ITGBL1: variants seen among roughly 807,000 people sequenced by gnomAD.
ITGBL1 encodes the protein integrin beta-like protein 1.
ITGBL1 carries 51 observed loss-of-function variants against 68.5 expected under a neutral mutation model. The observed-to-expected ratio is 0.74, with a 90% CI of 0.59 to 0.94. The LOEUF is 0.94. Among genes scored for constraint, ITGBL1 ranks in the 40% least tolerant of loss-of-function variants. The pLI, the probability that ITGBL1 is intolerant of heterozygous loss-of-function variation, is 0.00. For synonymous variants in ITGBL1, 209 were observed against 227.3 expected (o/e 0.92, Z 0.72); for missense variants, 649 against 647.4 (o/e 1.00, Z -0.03).
rs559899231 is a variant in ITGBL1, at chr13:101,644,315, G to C, written c.1015+46016G>C. Among the ~76,000 whole-genome samples, 66 of 152,278 alleles carry C rather than the reference G, an allele frequency of 4.3e-4. 1 individual carries two copies. The highest frequency in any genetic ancestry group is 1.6e-3 in the African/African-American group (65 of 41,550). On this transcript the variant is annotated intron_variant, in intron 7 of 10. Coordinates refer to ENST00000376180, the MANE Select transcript of ITGBL1 (RefSeq NM_004791.3). ...GTATAAAGTAGAGGGAGATGGTCAG[G>C]CTCAATTTTATCCTTTTCATTGCAT...
chr13:101,476,795 A>G (rs1476023325), intron 2 of ITGBL1, among the ~76,000 whole-genome samples: 2 of 152,300 alleles, frequency 1.3e-5, no homozygotes, highest in East Asian at 3.9e-4. Flanking sequence ...GCAAGAAGTT[A>G]TAGCAAGTGT....
chr13:101,584,868 T>C (rs1245853879), intron 6 of ITGBL1, among the ~76,000 whole-genome samples: 3 of 151,676 alleles, frequency 2.0e-5, no homozygotes, highest in East Asian at 1.9e-4. Flanking sequence ...GTGGTGGTGA[T>C]GTAGGGCTCA....
intron 2 of ITGBL1, among the ~76,000 whole-genome samples, chr13:101,485,757 A>T (rs1566696631): frequency 6.6e-6 from 1 of 152,096 alleles, no homozygotes; most frequent in African/African-American, 2.4e-5. Context: ...ACGCCACTGT[A>T]CTCCAGCCTG....
chr13:101,606,095 A>G (rs1415052266), intron 7 of ITGBL1, among the ~76,000 whole-genome samples: 2 of 134,312 alleles, frequency 1.5e-5, no homozygotes, highest in African/African-American at 5.4e-5. Flanking sequence ...ATATATATAT[A>G]TATGCTCTCT....
intron 7 of ITGBL1, among the ~76,000 whole-genome samples, chr13:101,681,943 AAT>A (rs1181513259): frequency 6.6e-6 from 1 of 152,152 alleles, no homozygotes; most frequent in Non-Finnish European, 1.5e-5. Flanking sequence ...TTGAAAAACA[AAT>A]GTCAAACTTC....
intron 7 of ITGBL1, among the ~76,000 whole-genome samples, chr13:101,638,777 G>A (rs2032261700): frequency 6.6e-6 from 1 of 152,166 alleles, no homozygotes; most frequent in South Asian, 2.1e-4. Flanking sequence ...TACAATTCAA[G>A]ATGAGATTTG....
chr13:101,591,699 T>C (rs1355000726), intron 6 of ITGBL1, among the ~76,000 whole-genome samples: 2 of 152,222 alleles, frequency 1.3e-5, no homozygotes, highest in African/African-American at 2.4e-5. Flanking sequence ...TTGGATGATA[T>C]ACATTAATAT....
intron 7 of ITGBL1, among the ~76,000 whole-genome samples, chr13:101,615,022 C>G (rs1254140683): frequency 6.6e-6 from 1 of 152,096 alleles, no homozygotes; most frequent in Admixed American, 6.6e-5. Context: ...AAATTTATTC[C>G]CACAGCTCTG....
chr13:101,648,586 A>G (rs902365873), intron 7 of ITGBL1, among the ~76,000 whole-genome samples: 1 of 152,194 alleles, frequency 6.6e-6, no homozygotes, highest in East Asian at 1.9e-4. Flanking sequence ...TTATAAAAAG[A>G]CATAACAAAT....
At chr13:101,506,199 C>G (rs1255137177) in intron 2 of ITGBL1, among the ~76,000 whole-genome samples, 1 of 152,156 alleles carries the variant, frequency 6.6e-6, no homozygotes, top group African/African-American at 2.4e-5. Flanking sequence ...TAAGACATTC[C>G]TGATGTGTTG....
chr13:101,457,176 C>T (rs947017062), intron 2 of ITGBL1, among the ~76,000 whole-genome samples: 1 of 152,092 alleles, frequency 6.6e-6, no homozygotes, highest in Non-Finnish European at 1.5e-5. Flanking sequence ...TACAATGATG[C>T]ATAACAAGTG....
At chr13:101,510,623 C>A (rs370631736) in intron 2 of ITGBL1, among the ~76,000 whole-genome samples, 1 of 151,952 alleles carries the variant, frequency 6.6e-6, no homozygotes, top group Non-Finnish European at 1.5e-5. Context: ...GAACAGTGTA[C>A]GAGTTCTCTT....
intron 2 of ITGBL1, among the ~76,000 whole-genome samples, chr13:101,522,278 A>C (rs1302316176): frequency 6.6e-6 from 1 of 152,168 alleles, no homozygotes; most frequent in Non-Finnish European, 1.5e-5. Flanking sequence ...TGTAGCATTA[A>C]AAAATGTCTA....
At chr13:101,714,579 C>T in intron 10 of ITGBL1, 28 bp downstream of exon 10, 1 of 1,313,516 alleles carries the variant, frequency 7.6e-7, no homozygotes, top group Non-Finnish European at 1.1e-6. Flanking sequence ...TCTAATTGCT[C>T]TATGCCACAG....
chr13:101,637,634 T>C (rs74842252), intron 7 of ITGBL1, among the ~76,000 whole-genome samples: 10,508 of 152,254 alleles, frequency 0.069, 435 homozygotes, highest in Middle Eastern at 0.12. Flanking sequence ...TGAGCCACCA[T>C]GCACCATGGA....
chr13:101,674,183 TAC>T (rs1455064058), intron 7 of ITGBL1, among the ~76,000 whole-genome samples: 1 of 152,144 alleles, frequency 6.6e-6, no homozygotes, highest in African/African-American at 2.4e-5. Context: ...CACACACACA[TAC>T]ACACACTCGC....
At chr13:101,597,575 G>A (rs1305353221) in intron 6 of ITGBL1, among the ~76,000 whole-genome samples, 5 of 150,194 alleles carry the variant, frequency 3.3e-5, no homozygotes, top group Admixed American at 1.3e-4. Flanking sequence ...TTTTTGAGAC[G>A]GAGTCTCCCT....
At chr13:101,647,312 A>T (rs2032591163) in intron 7 of ITGBL1, among the ~76,000 whole-genome samples, 1 of 152,206 alleles carries the variant, frequency 6.6e-6, no homozygotes, top group Non-Finnish European at 1.5e-5. Flanking sequence ...AAAACCATCT[A>T]TGATGAGAAA....
chr13:101,557,527 T>A (rs1022619271), intron 2 of ITGBL1, among the ~76,000 whole-genome samples: 26 of 152,206 alleles, frequency 1.7e-4, no homozygotes, highest in Admixed American at 1.7e-3. Context: ...TTCTTAGAAT[T>A]CTAGATGTGA....
Sources: gnomAD v4.1 joint callset for allele counts (sites outside exome capture counted in the v4.1 genomes callset) on GRCh38, gnomAD v4.1.1 for gene constraint, MANE v1.5 for transcripts, NCBI Gene and HGNC (gene_info 2026-07-23, HGNC 2026-07-21) for gene names.